The following SMS variants were observed in gnomAD, a reference collection of about 807,000 sequenced individuals.
SMS encodes the protein spermidine aminopropyltransferase.
In SMS, 3 loss-of-function variants were observed where a neutral mutation model predicts 33.0. That is an observed-to-expected ratio of 0.09 (90% CI 0.04 to 0.23). The LOEUF (loss-of-function observed/expected upper bound fraction) is 0.23, where lower values mean the gene tolerates loss of function less well. Ranked by LOEUF, SMS falls within the 10% of genes least tolerant of loss-of-function variation. The probability of loss-of-function intolerance (pLI) is 1.00; values close to 1 mark genes in which losing one functional copy is unlikely to be tolerated. For synonymous variants in SMS, 103 were observed against 112.2 expected, an observed-to-expected ratio of 0.92 and a Z score of 0.52; for missense variants, 117 against 288.6, an observed-to-expected ratio of 0.41 and a Z score of 4.31.
Position 21,978,255 on chromosome X carries a change from CAG to C in SMS, c.660+142_660+143del. 1.7e-5 allele frequency: 10 copies of C among 579,208 alleles called. No individual in the cohort carries two copies. The South Asian group carries it at 2.5e-4, about 14-fold the overall frequency. 47.7% of individuals were successfully genotyped at this position (579,208 alleles called of 1,213,427 possible). A position where few individuals can be genotyped will look rare whatever the true frequency, so the allele number is the denominator to read the frequency against. On this transcript the variant is annotated intron_variant, in intron 6 of 10. Transcript: ENST00000404933. The stretch of plus-strand genomic sequence containing the variant: ...CTGCCTTGAACAGACAATTTAGTAA[CAG>C]TACCCTTTTATGTGGCCATCAACAA...
intron 1 of SMS, among the ~76,000 whole-genome samples, chrX:21,943,675 C>T (rs146148484): frequency 0.012 from 1,377 of 111,030 alleles, 27 homozygotes; most frequent in African/African-American, 0.042. Context: ...TCTGTCAGAC[C>T]TTGAGTCATT....
At chrX:21,972,992 A>G (rs2147513714) in intron 4 of SMS, among the ~76,000 whole-genome samples, 1 of 110,399 alleles carries the variant, frequency 9.1e-6, no homozygotes, top group African/African-American at 3.3e-5. Flanking sequence ...TGTGGAAAAG[A>G]TCAAACTCAG....
At chrX:21,967,948 G>A (rs1923860813) in intron 2 of SMS, among the ~76,000 whole-genome samples, 1 of 112,558 alleles carries the variant, frequency 8.9e-6, no homozygotes, top group Admixed American at 9.3e-5. Flanking sequence ...GCTTATCTTA[G>A]TGTTTTCCAG....
At chrX:21,970,148 CCT>C (rs1260921147) in intron 2 of SMS, among the ~76,000 whole-genome samples, 5 of 112,328 alleles carry the variant, frequency 4.5e-5, no homozygotes, top group African/African-American at 6.5e-5. Context: ...TGGTCTCCTT[CCT>C]CTCTCACTTG....
intron 1 of SMS, among the ~76,000 whole-genome samples, chrX:21,952,417 GTTTGTT>G (rs1334855931): frequency 6.4e-4 from 46 of 71,951 alleles, no homozygotes; most frequent in Admixed American, 3.6e-3. Context: ...TTGTTTGTTT[GTTTGTT>G]TTTTTTTTTT....
intron 1 of SMS, among the ~76,000 whole-genome samples, chrX:21,955,329 G>A (rs1016029866): frequency 7.1e-5 from 8 of 112,114 alleles, no homozygotes; most frequent in Admixed American, 1.9e-4. Context: ...CCTTCTGGAC[G>A]GAGCTAAAGG....
chrX:21,965,703 A>G (rs1423043148), intron 1 of SMS, among the ~76,000 whole-genome samples: 1 of 108,879 alleles, frequency 9.2e-6, no homozygotes, highest in Non-Finnish European at 1.9e-5. Flanking sequence ...AGCCAGGATC[A>G]CACCACTGCA....
intron 1 of SMS, among the ~76,000 whole-genome samples, chrX:21,955,033 A>G (rs1922882969): frequency 9.0e-6 from 1 of 110,948 alleles, no homozygotes; most frequent in Non-Finnish European, 1.9e-5. Flanking sequence ...ACGGAGTTTC[A>G]CCATGTTTGT....
At chrX:21,976,750 A>G (rs1351656952) in intron 4 of SMS, among the ~76,000 whole-genome samples, 1 of 112,081 alleles carries the variant, frequency 8.9e-6, no homozygotes, top group Non-Finnish European at 1.9e-5. Context: ...AGTTATGTAG[A>G]TAGTCTTAAG....
intron 7 of SMS, among the ~76,000 whole-genome samples, chrX:21,983,750 C>T (rs6633502): frequency 0.21 from 23,281 of 110,939 alleles, 2,141 homozygotes; most frequent in African/African-American, 0.35. Context: ...AGGCTGGGTA[C>T]GGTGGCTCAT....
At chrX:21,942,829 CTTTT>C (rs772851812) in intron 1 of SMS, among the ~76,000 whole-genome samples, 99 of 81,888 alleles carry the variant, frequency 1.2e-3, no homozygotes, top group Admixed American at 1.2e-3. Flanking sequence ...ATTTTCTTAA[CTTTT>C]TTTTTTTTTT....
intron 6 of SMS, 114 bp from the exon 7 acceptor site, chrX:21,978,763 T>G: frequency 1.7e-6 from 1 of 574,901 alleles, no homozygotes. Flanking sequence ...TTTGTTAAAT[T>G]TGTGATACCC....
At chrX:21,992,542 G>C (rs1011369508) in intron 9 of SMS, 55 bp from the exon 10 acceptor site, 2 of 706,225 alleles carry the variant, frequency 2.8e-6, no homozygotes, top group African/African-American at 4.2e-5. Flanking sequence ...CTTCAGATGA[G>C]TGGGGCCCTT....
At chrX:21,970,955 G>T (rs1238696418) in intron 2 of SMS, among the ~76,000 whole-genome samples, 1 of 109,277 alleles carries the variant, frequency 9.2e-6, no homozygotes, top group Admixed American at 9.7e-5. Flanking sequence ...TCAACACTTT[G>T]GGAGGCCAAG....
chrX:21,989,017 T>A (rs1393536681), intron 9 of SMS, among the ~76,000 whole-genome samples: 1 of 111,174 alleles, frequency 9.0e-6, no homozygotes, highest in African/African-American at 3.3e-5. Flanking sequence ...CTGCTTGCCT[T>A]CTAGAAGCAA....
intron 6 of SMS, among the ~76,000 whole-genome samples, chrX:21,978,544 C>G (rs192782640): frequency 8.9e-6 from 1 of 111,782 alleles, no homozygotes; most frequent in African/African-American, 3.2e-5. Context: ...CAACTTCACT[C>G]CAGCCTGGGT....
At chrX:21,953,544 C>G (rs1417421502) in intron 1 of SMS, among the ~76,000 whole-genome samples, 1 of 112,349 alleles carries the variant, frequency 8.9e-6, no homozygotes, top group Non-Finnish European at 1.9e-5. Flanking sequence ...TTAAAGGACT[C>G]CAGCTCTTTC....
chrX:21,975,476 G>A (rs1447177230), intron 4 of SMS, among the ~76,000 whole-genome samples: 4 of 111,179 alleles, frequency 3.6e-5, no homozygotes, highest in Non-Finnish European at 7.5e-5. Flanking sequence ...TCAAGGAGAG[G>A]GTAGTCTTCC....
chrX:21,985,392 A>G (rs1177240252), intron 9 of SMS, among the ~76,000 whole-genome samples, 169 bp downstream of exon 9: 1 of 111,936 alleles, frequency 8.9e-6, no homozygotes, highest in Non-Finnish European at 1.9e-5. Flanking sequence ...TTGGGAATTA[A>G]TGAGTTATCA....
Sources: allele counts gnomAD v4.1 joint callset (sites outside exome capture counted in the v4.1 genomes callset), GRCh38; gene constraint gnomAD v4.1.1; transcripts MANE v1.5; gene names NCBI Gene and HGNC (gene_info 2026-07-23, HGNC 2026-07-21).